The following TENM3 variants were observed in gnomAD, a reference collection of about 807,000 sequenced individuals.
TENM3 encodes the protein teneurin transmembrane protein 3, also known as teneurin-3.
A neutral mutation model predicts 255.1 loss-of-function variants in TENM3; 63 were observed. That is an observed-to-expected ratio of 0.25 (90% CI 0.20 to 0.30). TENM3 has a LOEUF of 0.30. Among genes scored for constraint, TENM3 ranks in the 10% least tolerant of loss-of-function variants. The probability of loss-of-function intolerance (pLI) is 1.00; values close to 1 mark genes in which losing one functional copy is unlikely to be tolerated. For missense variants in TENM3, 2,929 were observed against 3,461.1 expected, an observed-to-expected ratio of 0.85 and a Z score of 3.86; for synonymous variants, 1,306 against 1,322.3, an observed-to-expected ratio of 0.99 and a Z score of 0.27.
chr4:182,785,064 A>T (rs190062323), intron 24 of TENM3, among the ~76,000 whole-genome samples: 1 of 151,152 alleles, frequency 6.6e-6, no homozygotes, highest in Non-Finnish European at 1.5e-5. Context: ...CTATTCGGCC[A>T]TCTTGGCTCC....
At chr4:182,634,602 G>GTTA (rs1751685290) in intron 5 of TENM3, among the ~76,000 whole-genome samples, 1 of 149,850 alleles carries the variant, frequency 6.7e-6, no homozygotes, top group South Asian at 2.1e-4. Context: ...AACCACAAAT[G>GTTA]TTAGGTTCAA....
the TENM3 span, among the ~76,000 whole-genome samples, chr4:181,756,745 C>A: frequency 6.6e-6 from 1 of 152,186 alleles, no homozygotes; most frequent in East Asian, 1.9e-4. Flanking sequence ...TGCTGATGGC[C>A]AAAATGTCTT....
In TENM3 at chr4:182,338,285, C is replaced by T. The variant is rs1001131352; in HGVS notation, c.233-8366C>T. Among the ~76,000 whole-genome samples the T allele has an allele frequency of 5.3e-5, 8 of 152,272 alleles. No homozygotes were observed. In the East Asian group the frequency reaches 5.8e-4, roughly 11 times the overall value. The stretch of plus-strand genomic sequence containing the variant: ...ACCACAATCTTTCAAAAACAACCTC[C>T]GCTGTCATCGCACTATAATGTTTTG... On this transcript the variant is annotated intron_variant, in intron 2 of 27. Coordinates refer to ENST00000511685, the MANE Select transcript of TENM3 (RefSeq NM_001080477.4).
rs80122713 is a variant in TENM3 at position 182,540,212 on chromosome 4, G to A, written c.512-60712G>A. Among the ~76,000 whole-genome samples, 439 of 152,316 alleles carry A rather than the reference G, an allele frequency of 2.9e-3. 2 individuals carry two copies. The highest frequency in any genetic ancestry group is 9.9e-3 in the African/African-American group (412 of 41,580). On this transcript the variant is annotated intron_variant, in intron 3 of 27. Transcript: ENST00000511685. The stretch of plus-strand genomic sequence containing the variant: ...CATAAGTTATTATGAAGCCATGGTG[G>A]AGGGAGGAAGAGGGACTAAAATTCA...
chr4:181,896,595 G>T, the TENM3 span, among the ~76,000 whole-genome samples: 2 of 152,262 alleles, frequency 1.3e-5, no homozygotes, highest in South Asian at 4.1e-4. Flanking sequence ...TGAAGCCATG[G>T]TACACTCTAA....
the TENM3 span, among the ~76,000 whole-genome samples, chr4:181,973,827 A>G: frequency 6.6e-6 from 1 of 152,194 alleles, no homozygotes. Context: ...CTCACTAGGA[A>G]GATGATGTTT....
At chr4:182,280,304 C>A (rs1211140909) in intron 1 of TENM3, among the ~76,000 whole-genome samples, 1 of 152,112 alleles carries the variant, frequency 6.6e-6, no homozygotes, top group Non-Finnish European at 1.5e-5. Context: ...TGATTGCACT[C>A]TTTGAAAAAT....
At chr4:181,467,764 A>G in the TENM3 span, among the ~76,000 whole-genome samples, 3 of 152,156 alleles carry the variant, frequency 2.0e-5, no homozygotes, top group African/African-American at 7.2e-5. Flanking sequence ...GCATTGATAT[A>G]TATTTAAAAG....
the TENM3 span, among the ~76,000 whole-genome samples, chr4:181,601,801 C>G: frequency 1.3e-5 from 2 of 152,146 alleles, no homozygotes; most frequent in African/African-American, 4.8e-5. Context: ...AAGACAATCA[C>G]ATTCAGAGGT....
rs1457120660 is a variant in TENM3 at position 182,773,592 on chromosome 4, T to C, written c.5013T>C (p.Asp1671=). Residue 1671 remains aspartate, a synonymous_variant, in exon 23 of 28, where the codon GAT becomes GAC. Coordinates refer to ENST00000511685, the MANE Select transcript of TENM3 (RefSeq NM_001080477.4). ...TTGAGTCATCTAGCCGAGAAGAAGA[T>C]GTCAGCATCACTTCAAATCTGTCCT... is the stretch of plus-strand genomic sequence containing the variant. The part of the protein sequence containing the change: ...VDIESSSREE[D]VSITSNLSSI... 6.2e-7 allele frequency: 1 copy of C among 1,613,854 alleles called. No homozygotes were observed. The highest frequency in any genetic ancestry group is 1.1e-5 in the South Asian group (1 of 91,048).
chr4:181,901,547 T>C, the TENM3 span, among the ~76,000 whole-genome samples: 1 of 152,346 alleles, frequency 6.6e-6, no homozygotes, highest in East Asian at 1.9e-4. Context: ...AATTACTCAA[T>C]ATGTCGTGAG....
chr4:182,112,046 T>G, the TENM3 span, among the ~76,000 whole-genome samples: 1 of 152,110 alleles, frequency 6.6e-6, no homozygotes, highest in Non-Finnish European at 1.5e-5. Context: ...TCCCACGGCT[T>G]TAGGAAACCA....
At chr4:182,077,510 A>C in the TENM3 span, among the ~76,000 whole-genome samples, 96 of 152,350 alleles carry the variant, frequency 6.3e-4, no homozygotes, top group African/African-American at 2.2e-3. Context: ...TTCTGAAAGA[A>C]AGTACATAAT....
chr4:181,642,882 G>A, the TENM3 span, among the ~76,000 whole-genome samples: 3 of 152,102 alleles, frequency 2.0e-5, no homozygotes, highest in Non-Finnish European at 2.9e-5. Context: ...TTTGGTACCA[G>A]TACCATGCTG....
At chr4:181,563,838 G>C in the TENM3 span, among the ~76,000 whole-genome samples, 1 of 151,990 alleles carries the variant, frequency 6.6e-6, no homozygotes, top group Non-Finnish European at 1.5e-5. Context: ...CCATACAATA[G>C]CTCATACAAT....
chr4:182,526,127 G>A lies in TENM3; in HGVS notation c.512-74797G>A, dbSNP rs558162557. 8.5e-5 allele frequency among the ~76,000 whole-genome samples: 13 copies of A among 152,198 alleles called. No individual in the cohort carries two copies. In the South Asian group the frequency reaches 1.9e-3, roughly 22 times the overall value. On this transcript the variant is annotated intron_variant, in intron 3 of 27. Transcript: ENST00000511685. The stretch of plus-strand genomic sequence containing the variant: ...CCCCAGTAGCTGGGATTACAGGCAC[G>A]TGCCACCACGCCCGGCTGATTTTTT...
At chr4:181,985,982 T>C in the TENM3 span, among the ~76,000 whole-genome samples, 1 of 152,054 alleles carries the variant, frequency 6.6e-6, no homozygotes, top group African/African-American at 2.4e-5. Context: ...ACTGTCCAAA[T>C]ATTTGACAAG....
the TENM3 span, among the ~76,000 whole-genome samples, chr4:182,124,254 A>G: frequency 6.6e-6 from 1 of 151,820 alleles, no homozygotes; most frequent in Admixed American, 6.6e-5. Flanking sequence ...GTTTCACCAT[A>G]TTGGTCAGGC....
At chr4:182,599,110 A>C (rs1441719429) in intron 3 of TENM3, among the ~76,000 whole-genome samples, 2 of 152,172 alleles carry the variant, frequency 1.3e-5, no homozygotes, top group Non-Finnish European at 2.9e-5. Flanking sequence ...TAGCTTGTTT[A>C]GTCATGCTAT....
Sources: gnomAD v4.1 joint callset for allele counts (sites outside exome capture counted in the v4.1 genomes callset) on GRCh38, gnomAD v4.1.1 for gene constraint, MANE v1.5 for transcripts, NCBI Gene and HGNC (gene_info 2026-07-23, HGNC 2026-07-21) for gene names.